Variants in AGO2 observed in about 807,000 individuals in gnomAD.
AGO2 encodes argonaute RISC catalytic component 2.
In AGO2, 5 loss-of-function variants were observed where a neutral mutation model predicts 102.3. The observed-to-expected ratio is 0.05, with a 90% confidence interval of 0.03 to 0.10. The LOEUF is 0.10. Among genes scored for constraint, AGO2 ranks in the 10% least tolerant of loss-of-function variants. AGO2 has a pLI of 1.00. For missense variants in AGO2, 541 were observed against 1,183.7 expected (o/e 0.46, Z 7.97); for synonymous variants, 449 against 473.1 (o/e 0.95, Z 0.66).
At chr8:140,634,522 G>T (rs28458327) in intron 1 of AGO2, among the ~76,000 whole-genome samples, 1 of 152,218 alleles carries the variant, frequency 6.6e-6, no homozygotes, top group Non-Finnish European at 1.5e-5. Flanking sequence ...TGCCCGGTGG[G>T]AGCACGCCAA....
intron 2 of AGO2, among the ~76,000 whole-genome samples, chr8:140,580,911 C>G (rs1020377515): frequency 6.6e-6 from 1 of 152,260 alleles, no homozygotes. Context: ...TTACCAACTG[C>G]GTGACCTGAG....
At chr8:140,570,715 G>A (rs776557450) in intron 3 of AGO2, among the ~76,000 whole-genome samples, 10 of 152,114 alleles carry the variant, frequency 6.6e-5, no homozygotes, top group Non-Finnish European at 1.0e-4. Context: ...CCATCTCTCC[G>A]TTTTACAGGT....
rs767702623 is a variant in AGO2 at position 140,522,155 on chromosome 8, A to T, written c.*9889T>A. ...GTACTGTTTCATACTGAATTTTTTC[A>T]ATGCATTGGGGTTCAACATAAAAGG... On this transcript the variant is annotated 3_prime_UTR_variant, in exon 19 of 19. Transcript: ENST00000220592. The T allele has an allele frequency of 6.6e-6, 1 of 152,210 alleles. No homozygotes were observed. Among genetic ancestry groups the T allele is most frequent in the Non-Finnish European group, 1.5e-5 (1 of 68,040 alleles). The allele number at this position is 152,210 out of a possible 1,614,324, so 9.4% of individuals were successfully genotyped here.
chr8:140,592,210 A>G (rs1054209612), intron 1 of AGO2: 12 of 152,230 alleles, frequency 7.9e-5, no homozygotes, highest in African/African-American at 2.9e-4. Flanking sequence ...ACATTCCCCA[A>G]TCGGGGCAAC....
intron 1 of AGO2, among the ~76,000 whole-genome samples, chr8:140,629,146 G>A (rs1381917695): frequency 1.3e-5 from 2 of 151,928 alleles, no homozygotes; most frequent in East Asian, 1.9e-4. Flanking sequence ...AATAATAAAC[G>A]CGCGACTCTG....
chr8:140,577,207 C>CAAAAAA (rs10661844), intron 2 of AGO2, among the ~76,000 whole-genome samples: 2,381 of 70,514 alleles, frequency 0.034, 152 homozygotes, highest in African/African-American at 0.09. Flanking sequence ...GACTCCATCT[C>CAAAAAA]AAAAAAAAAA....
chr8:140,624,619 G>T (rs530984429), intron 1 of AGO2, among the ~76,000 whole-genome samples: 3 of 152,244 alleles, frequency 2.0e-5, no homozygotes, highest in African/African-American at 4.8e-5. Flanking sequence ...TCTGGTCCTC[G>T]CATTCCGAGG....
chr8:140,602,851 G>C lies in AGO2; in HGVS notation c.23-17540C>G, dbSNP rs144657663. On this transcript the variant is annotated intron_variant, in intron 1 of 18. Coordinates refer to ENST00000220592, the MANE Select transcript of AGO2 (RefSeq NM_012154.5). ...GAAAATCAAGCAGACAAAATATCCA[G>C]GAGTGTTTGCTTCTTTGATCAATTT... is the stretch of plus-strand genomic sequence containing the variant. Among the ~76,000 whole-genome samples, 48 of 152,258 alleles carry C rather than the reference G, an allele frequency of 3.2e-4. No individual in the cohort carries two copies. The East Asian group carries it at 8.9e-3, about 28-fold the overall frequency.
chr8:140,631,068 A>C lies in AGO2; in HGVS notation c.22+4417T>G, dbSNP rs73364339. Among the ~76,000 whole-genome samples the C allele has an allele frequency of 7.9e-3, 1,206 of 152,216 alleles. 22 individuals are homozygous for C. The highest frequency in any genetic ancestry group is 0.027 in the African/African-American group (1,133 of 41,530). ...AACCCCAACCCTCAGAAACAAACAA[A>C]ACAAAACACCACTTAAATGTGTCAG... On this transcript the variant is annotated intron_variant, in intron 1 of 18. Transcript: ENST00000220592.
At chr8:140,628,564 G>C (rs1038064900) in intron 1 of AGO2, among the ~76,000 whole-genome samples, 1 of 152,088 alleles carries the variant, frequency 6.6e-6, no homozygotes, top group Non-Finnish European at 1.5e-5. Context: ...CAGCACCTTG[G>C]GAGGCCAAGG....
At chr8:140,571,096 T>C (rs1209274575) in intron 3 of AGO2, among the ~76,000 whole-genome samples, 1 of 152,236 alleles carries the variant, frequency 6.6e-6, no homozygotes, top group African/African-American at 2.4e-5. Context: ...GCTTGACTGA[T>C]GTGCATTTGG....
chr8:140,551,634 A>AGATGGGTGGGTGGATGGTT (rs60933439), intron 10 of AGO2, among the ~76,000 whole-genome samples, 198 bp from the exon 11 acceptor site: 32,483 of 66,728 alleles, frequency 0.49, 12,905 homozygotes, highest in East Asian at 0.7. Flanking sequence ...GGCTGGTGGA[A>AGATGGGTGGGTGGATGGTT]GATGGGTGGG....
intron 1 of AGO2, among the ~76,000 whole-genome samples, chr8:140,628,544 C>A (rs1047110403): frequency 6.6e-6 from 1 of 152,192 alleles, no homozygotes; most frequent in African/African-American, 2.4e-5. Context: ...GTGGCTCACA[C>A]CTGTAATCCC....
rs111930956 is a variant in AGO2, at chr8:140,620,639, C to A, written c.22+14846G>T. Among the ~76,000 whole-genome samples, 2 of 152,022 alleles carry A rather than the reference C, an allele frequency of 1.3e-5. 1 individual carries two copies. Among genetic ancestry groups the A allele is most frequent in the Admixed American group, 1.3e-4 (2 of 15,262 alleles). On this transcript the variant is annotated intron_variant, in intron 1 of 18. Coordinates refer to ENST00000220592, the MANE Select transcript of AGO2 (RefSeq NM_012154.5). ...CAGCACTTTAGGAGGCTGAGGCAGG[C>A]AAATCACTTTGAGCTCAGGAGTTTG...
In AGO2 at chr8:140,530,594, C is replaced by A. The variant is rs865901678; in HGVS notation, c.*1450G>T. 1 of 152,424 alleles carries A rather than the reference C, an allele frequency of 6.6e-6. No individual in the cohort carries two copies. Among genetic ancestry groups the A allele is most frequent in the South Asian group, 2.1e-4 (1 of 4,836 alleles). The allele number at this position is 152,424 out of a possible 1,614,324, so 9.4% of individuals were successfully genotyped here. On this transcript the variant is annotated 3_prime_UTR_variant, in exon 19 of 19. Transcript: ENST00000220592. The stretch of plus-strand genomic sequence containing the variant: ...ATCGTCCGTGGTGTCACTCTTAGTG[C>A]AACAGTTTCTAGATTGGCAAACCCA...
chr8:140,567,895 C>T lies in AGO2; in HGVS notation c.336+4917G>A, dbSNP rs547299607. Among the ~76,000 whole-genome samples, 3 of 152,062 alleles carry T rather than the reference C, an allele frequency of 2.0e-5. No individual in the cohort carries two copies. The highest frequency in any genetic ancestry group is 4.8e-5 in the African/African-American group (2 of 41,422). ...ATCCCAGTACCGTGGGAGGCCGAGG[C>T]GGGCTGGATCGCTTGAGCTCAGGAG... is the stretch of plus-strand genomic sequence containing the variant. On this transcript the variant is annotated intron_variant, in intron 3 of 18. Transcript: ENST00000220592. This position sits in a 1 kb window ranked among gnomAD's most constrained non-coding sequence, Gnocchi z 5.0.
At chr8:140,641,013 T>A in the AGO2 span, among the ~76,000 whole-genome samples, 1 of 152,166 alleles carries the variant, frequency 6.6e-6, no homozygotes, top group Non-Finnish European at 1.5e-5. Flanking sequence ...AAGCTATCTT[T>A]CACTAAAGAT....
Position 140,549,176 on chromosome 8 carries a change from T to C in AGO2, c.1526A>G (p.Lys509Arg), listed in dbSNP as rs1463471639. Residue 509 changes from lysine to arginine, a missense_variant, in exon 12 of 19, where the codon AAG becomes AGG. Physicochemically the swap from Lys to Arg is conservative, Grantham distance 26. Coordinates refer to ENST00000220592, the MANE Select transcript of AGO2 (RefSeq NM_012154.5). Reference protein sequence around the residue: ...DSVEPMFRHLKNTYAGLQLVV... With the variant: ...DSVEPMFRHLRNTYAGLQLVV... ...CAGCTGCAGGCCCGCATACGTGTTC[T>C]TCAGGTGCCGGAACATGGGCTCCAC... The C allele has an allele frequency of 6.2e-7, 1 of 1,613,624 alleles. No homozygotes were observed. Among genetic ancestry groups the C allele is most frequent in the Non-Finnish European group, 8.5e-7 (1 of 1,179,890 alleles).
In AGO2 at chr8:140,524,618, T is replaced by C. The variant is rs1432040541; in HGVS notation, c.*7426A>G. 2 of 152,334 alleles carry C rather than the reference T, an allele frequency of 1.3e-5. No individual in the cohort carries two copies. Among genetic ancestry groups the C allele is most frequent in the Non-Finnish European group, 2.9e-5 (2 of 68,168 alleles). 9.4% of individuals were successfully genotyped at this position (152,334 alleles called of 1,614,324 possible). A position where few individuals can be genotyped will look rare whatever the true frequency, so the allele number is the denominator to read the frequency against. On this transcript the variant is annotated 3_prime_UTR_variant, in exon 19 of 19. Transcript: ENST00000220592. ...TCTGAAAGGACACTGAGGACCGGAC[T>C]TTAAAGGCACAGAGTCTGAGACTGG...
Sources: gnomAD v4.1 joint callset for allele counts (sites outside exome capture counted in the v4.1 genomes callset) on GRCh38, gnomAD v4.1.1 for gene constraint, Gnocchi (gnomAD v3.1) non-coding constraint, MANE v1.5 for transcripts, NCBI Gene and HGNC (gene_info 2026-07-23, HGNC 2026-07-21) for gene names.